MCF2L2: variants seen among roughly 807,000 people sequenced by gnomAD.
The protein encoded by MCF2L2 is MCF.2 cell line derived transforming sequence-like 2.
MCF2L2 carries 102 observed loss-of-function variants against 150.2 expected under a neutral mutation model. That is an observed-to-expected ratio of 0.68 (90% CI 0.58 to 0.80). MCF2L2 has a LOEUF of 0.80. Among genes scored for constraint, MCF2L2 ranks in the 30% least tolerant of loss-of-function variants. MCF2L2 has a pLI of 0.00. For synonymous variants in MCF2L2, 465 were observed against 491.3 expected, an observed-to-expected ratio of 0.95 and a Z score of 0.71; for missense variants, 1,256 against 1,372.8, an observed-to-expected ratio of 0.91 and a Z score of 1.34.
intron 9 of MCF2L2, chr3:183,310,687 C>A: frequency 2.0e-6 from 1 of 499,072 alleles, no homozygotes; most frequent in Non-Finnish European, 3.6e-6. Flanking sequence ...GATAAACCAT[C>A]ACTGAAATGC....
At chr3:183,246,405 A>G (rs978291150) in intron 15 of MCF2L2, among the ~76,000 whole-genome samples, 1 of 152,128 alleles carries the variant, frequency 6.6e-6, no homozygotes, top group Non-Finnish European at 1.5e-5. Flanking sequence ...GAATTTTCCT[A>G]TTCTAGGTGT....
intron 7 of MCF2L2, among the ~76,000 whole-genome samples, chr3:183,312,455 C>T (rs990385806): frequency 2.6e-5 from 4 of 152,152 alleles, no homozygotes; most frequent in Non-Finnish European, 5.9e-5. Flanking sequence ...TTGCCCTGAG[C>T]CTTACCCATA....
chr3:183,301,984 G>C (rs141845365), intron 10 of MCF2L2, among the ~76,000 whole-genome samples: 1 of 152,190 alleles, frequency 6.6e-6, no homozygotes, highest in South Asian at 2.1e-4. Context: ...GTGATTACTT[G>C]CTTTTTCTTC....
At chr3:183,331,952 A>G (rs1387818676) in intron 5 of MCF2L2, among the ~76,000 whole-genome samples, 1 of 152,192 alleles carries the variant, frequency 6.6e-6, no homozygotes, top group Non-Finnish European at 1.5e-5. Context: ...ACTTGGCTAC[A>G]ATTACATCCT....
At chr3:183,311,137 G>A (rs1208560914) in intron 8 of MCF2L2, 108 bp from the exon 9 acceptor site, 5 of 644,792 alleles carry the variant, frequency 7.8e-6, no homozygotes, top group East Asian at 2.7e-5. Flanking sequence ...GGTGTCAATT[G>A]TGACCATCTC....
At chr3:183,193,150 C>A (rs558522954) in intron 26 of MCF2L2, 54 bp from the exon 27 acceptor site, 2 of 1,428,438 alleles carry the variant, frequency 1.4e-6, no homozygotes, top group African/African-American at 2.8e-5. Context: ...ACACACGCAT[C>A]CCTCCCCCAC....
chr3:183,349,577 T>G (rs1731032435), intron 3 of MCF2L2, among the ~76,000 whole-genome samples: 1 of 152,234 alleles, frequency 6.6e-6, no homozygotes, highest in Admixed American at 6.5e-5. Flanking sequence ...CAACAATCAT[T>G]CTAGATAGTC....
chr3:183,349,204 T>C (rs1218098590), intron 3 of MCF2L2, among the ~76,000 whole-genome samples: 2 of 152,230 alleles, frequency 1.3e-5, no homozygotes, highest in African/African-American at 4.8e-5. Context: ...TTCTTTTTAT[T>C]TTCCTTTACA....
At position 183,305,057 on chromosome 3, in the gene MCF2L2, C is replaced by G. The variant is rs1729035818; in HGVS notation, c.1113+4659G>C. 6.6e-6 allele frequency among the ~76,000 whole-genome samples: 1 copy of G among 152,156 alleles called. No homozygotes were observed. The highest frequency in any genetic ancestry group is 1.5e-5 in the Non-Finnish European group (1 of 68,014). ...GCTTTACATTTGCTTATTTCCTTAA[C>G]TCTTCACAACAAACCCTTTGATACA... On this transcript the variant is annotated intron_variant, in intron 10 of 29. Coordinates refer to ENST00000328913, the MANE Select transcript of MCF2L2 (RefSeq NM_015078.4). This position sits in a 1 kb window ranked among gnomAD's most constrained non-coding sequence, Gnocchi z 4.1.
chr3:183,183,503 G>T (rs1252364022), intron 27 of MCF2L2, among the ~76,000 whole-genome samples: 3 of 152,212 alleles, frequency 2.0e-5, no homozygotes, highest in Non-Finnish European at 4.4e-5. Context: ...GCAGGAGAAG[G>T]TGCTCTGGAG....
At chr3:183,410,243 A>G (rs761370325) in intron 1 of MCF2L2, among the ~76,000 whole-genome samples, 2 of 152,208 alleles carry the variant, frequency 1.3e-5, no homozygotes, top group African/African-American at 4.8e-5. Flanking sequence ...GAAGCTCACA[A>G]TAACTTCAGC....
In MCF2L2 at chr3:183,345,178, T is replaced by C. The variant is rs60901157; in HGVS notation, c.276-3548A>G. On this transcript the variant is annotated intron_variant, in intron 3 of 29. Transcript: ENST00000328913. ...GACCACATAATTGGAAGTAAAACATTCCTCAGCAAATGTAAAAGAATGGGA... is the reference window on the plus strand; with the variant it reads ...GACCACATAATTGGAAGTAAAACATCCCTCAGCAAATGTAAAAGAATGGGA... 7.4e-3 allele frequency among the ~76,000 whole-genome samples: 1,131 copies of C among 152,178 alleles called. 16 individuals are homozygous for C. Among genetic ancestry groups the C allele is most frequent in the African/African-American group, 0.026 (1,060 of 41,510 alleles).
At chr3:183,355,087 ATTTAT>A (rs1334835853) in intron 3 of MCF2L2, among the ~76,000 whole-genome samples, 3 of 150,230 alleles carry the variant, frequency 2.0e-5, no homozygotes, top group African/African-American at 4.9e-5. Flanking sequence ...ATTATTTATT[ATTTAT>A]TTTATTTTAT....
At position 183,285,494 on chromosome 3, in the gene MCF2L2, A is replaced by C. The variant is rs13070825; in HGVS notation, c.1776+3626T>G. 3.0e-3 allele frequency among the ~76,000 whole-genome samples: 453 copies of C among 152,324 alleles called. 1 individual carries two copies. Among genetic ancestry groups the C allele is most frequent in the Non-Finnish European group, 5.0e-3 (342 of 68,030 alleles). ...AAACTCAACCTCTGAGTCTCATGGC[A>C]CTGCTGATAAAACGGAAAACATCAT... On this transcript the variant is annotated intron_variant, in intron 14 of 29. Coordinates refer to ENST00000328913, the MANE Select transcript of MCF2L2 (RefSeq NM_015078.4).
chr3:183,360,803 C>G (rs1344648837), intron 3 of MCF2L2, among the ~76,000 whole-genome samples: 1 of 151,774 alleles, frequency 6.6e-6, no homozygotes, highest in Non-Finnish European at 1.5e-5. Flanking sequence ...GACCTCATCT[C>G]TACTAAAAAT....
At chr3:183,308,139 T>C (rs561112656) in intron 10 of MCF2L2, among the ~76,000 whole-genome samples, 7 of 152,296 alleles carry the variant, frequency 4.6e-5, no homozygotes, top group African/African-American at 1.4e-4. Context: ...GTGAACTGTC[T>C]CTCTCCAGTA....
intron 22 of MCF2L2, among the ~76,000 whole-genome samples, chr3:183,208,100 C>G (rs750398080): frequency 6.6e-6 from 1 of 152,168 alleles, no homozygotes; most frequent in Non-Finnish European, 1.5e-5. Flanking sequence ...GATACGGGGA[C>G]TGTGATATTT....
At chr3:183,425,112 G>C (rs1203114959) in intron 1 of MCF2L2, among the ~76,000 whole-genome samples, 1 of 152,178 alleles carries the variant, frequency 6.6e-6, no homozygotes, top group Non-Finnish European at 1.5e-5. Context: ...ACAACGGCTA[G>C]TTAAAAGGAA....
chr3:183,274,126 A>C (rs1283422908), intron 15 of MCF2L2, among the ~76,000 whole-genome samples: 1 of 152,018 alleles, frequency 6.6e-6, no homozygotes, highest in Middle Eastern at 3.2e-3. Flanking sequence ...GAGGCAGGAG[A>C]ATTGCTTGAA....
Sources: allele counts gnomAD v4.1 joint callset (sites outside exome capture counted in the v4.1 genomes callset), GRCh38; gene constraint gnomAD v4.1.1; non-coding constraint Gnocchi (gnomAD v3.1); transcripts MANE v1.5; gene names NCBI Gene and HGNC (gene_info 2026-07-23, HGNC 2026-07-21).